Variants in SUMF1 observed in about 807,000 individuals in gnomAD.
SUMF1 encodes the protein formylglycine-generating enzyme.
In SUMF1, 48 loss-of-function variants were observed where a neutral mutation model predicts 47.6. The observed-to-expected ratio is 1.01, with a 90% CI of 0.80 to 1.28. The LOEUF (loss-of-function observed/expected upper bound fraction) is 1.28. SUMF1 is among the 50% of genes most tolerant of loss of function. The pLI is 0.00. For missense variants in SUMF1, 571 were observed against 485.4 expected (o/e 1.18, Z -1.66); for synonymous variants, 230 against 192.1 (o/e 1.20, Z -1.63).
chr3:4,184,052 T>C (rs1393800432), intron 8 of SUMF1, among the ~76,000 whole-genome samples: 2 of 151,980 alleles, frequency 1.3e-5, no homozygotes, highest in East Asian at 3.9e-4. Context: ...TGAGAATCTC[T>C]TGAACCTGGG....
chr3:4,218,658 G>A (rs1695993222), intron 8 of SUMF1, among the ~76,000 whole-genome samples: 1 of 152,178 alleles, frequency 6.6e-6, no homozygotes, highest in Non-Finnish European at 1.5e-5. Flanking sequence ...AGCTTCAAAT[G>A]TCAGACTTCG....
Position 4,452,974 on chromosome 3 carries a change from C to A in SUMF1, c.346G>T (p.Ala116Ser). 1 of 1,614,188 alleles carries A rather than the reference C, an allele frequency of 6.2e-7. No homozygotes were observed. The highest frequency in any genetic ancestry group is 8.5e-7 in the Non-Finnish European group (1 of 1,180,034). The part of the protein sequence containing the change: ...PQIKQDGEAP[A>S]RRVTIDAFYM... ...AAGGCATCAATAGTAACTCTCCTCG[C>A]AGGTGCTTCCCCATCCTGCTTTATC... is the stretch of plus-strand genomic sequence containing the variant. Residue 116 changes from alanine (A) to serine (S), a missense_variant, in exon 2 of 9, where the codon GCG becomes TCG. By Grantham distance (99) the Ala-to-Ser change is moderately conservative. Coordinates refer to ENST00000272902, the MANE Select transcript of SUMF1 (RefSeq NM_182760.4).
intron 8 of SUMF1, among the ~76,000 whole-genome samples, chr3:4,140,238 A>C (rs1042705907): frequency 3.9e-5 from 6 of 152,102 alleles, no homozygotes; most frequent in Non-Finnish European, 8.8e-5. Context: ...TGCTTCTCCC[A>C]AATTCTAGAC....
chr3:4,092,925 A>G (rs2125054507), intron 8 of SUMF1, among the ~76,000 whole-genome samples: 1 of 152,244 alleles, frequency 6.6e-6, no homozygotes, highest in Non-Finnish European at 1.5e-5. Context: ...CTTACAATAT[A>G]GAAAGCTTTG....
At chr3:4,301,112 G>A (rs897495925) in intron 8 of SUMF1, among the ~76,000 whole-genome samples, 1 of 152,102 alleles carries the variant, frequency 6.6e-6, no homozygotes, top group African/African-American at 2.4e-5. Context: ...TAAAGTAGGA[G>A]AACTAATGTA....
intron 8 of SUMF1, among the ~76,000 whole-genome samples, chr3:4,098,818 T>C (rs560592577): frequency 1.3e-5 from 2 of 152,134 alleles, no homozygotes; most frequent in Non-Finnish European, 2.9e-5. Flanking sequence ...CAGAAAACCA[T>C]AGAGTTAACT....
At chr3:4,092,652 T>C (rs1411798151) in intron 8 of SUMF1, among the ~76,000 whole-genome samples, 1 of 152,134 alleles carries the variant, frequency 6.6e-6, no homozygotes, top group Non-Finnish European at 1.5e-5. Context: ...CAACTACTTA[T>C]AGTATAAAAG....
intron 8 of SUMF1, among the ~76,000 whole-genome samples, chr3:4,346,180 A>G (rs1441265036): frequency 1.3e-5 from 2 of 152,240 alleles, no homozygotes; most frequent in Non-Finnish European, 1.5e-5. Flanking sequence ...AAGTGGATCT[A>G]GTAGACATCT....
At chr3:4,374,225 T>G (rs1700256318) in intron 8 of SUMF1, among the ~76,000 whole-genome samples, 1 of 152,126 alleles carries the variant, frequency 6.6e-6, no homozygotes, top group African/African-American at 2.4e-5. Flanking sequence ...GGATCTAGAT[T>G]AAAAAGGAAG....
chr3:4,043,785 A>C (rs1694953186), intron 9 of SUMF1, among the ~76,000 whole-genome samples: 3 of 152,180 alleles, frequency 2.0e-5, no homozygotes, highest in African/African-American at 7.2e-5. Flanking sequence ...TACTCTATTC[A>C]AACTATGTTT....
chr3:4,462,202 C>G (rs962777249), intron 1 of SUMF1, among the ~76,000 whole-genome samples: 1 of 152,192 alleles, frequency 6.6e-6, no homozygotes, highest in African/African-American at 2.4e-5. Flanking sequence ...TACTTCCCAA[C>G]CCCCACCAAG....
chr3:4,126,973 T>C (rs1693669073), intron 8 of SUMF1, among the ~76,000 whole-genome samples: 1 of 152,034 alleles, frequency 6.6e-6, no homozygotes, highest in Admixed American at 6.6e-5. Flanking sequence ...AGAACAAAAT[T>C]ACAATAGGGT....
At chr3:4,435,613 A>G (rs1702372461) in intron 3 of SUMF1, among the ~76,000 whole-genome samples, 1 of 152,230 alleles carries the variant, frequency 6.6e-6, no homozygotes, top group South Asian at 2.1e-4. Flanking sequence ...CAAACTGTTG[A>G]AGATAAAAAA....
chr3:4,382,720 C>T (rs1700545709), intron 7 of SUMF1, among the ~76,000 whole-genome samples: 1 of 152,168 alleles, frequency 6.6e-6, no homozygotes, highest in South Asian at 2.1e-4. Context: ...CACATATACA[C>T]CATGGGATAC....
intron 6 of SUMF1, 76 bp from the exon 7 acceptor site, chr3:4,411,054 C>CTTT: frequency 4.6e-6 from 5 of 1,080,142 alleles, no homozygotes; most frequent in Non-Finnish European, 7.2e-6. Flanking sequence ...AGAAATGCAG[C>CTTT]AAGAGCTTTA....
chr3:4,288,706 G>T (rs1697683164), intron 8 of SUMF1, among the ~76,000 whole-genome samples: 1 of 151,964 alleles, frequency 6.6e-6, no homozygotes, highest in Non-Finnish European at 1.5e-5. Context: ...GGAGGCTGAG[G>T]CAGGAGAATT....
At chr3:4,376,486 G>C in intron 7 of SUMF1, 97 bp from the exon 8 acceptor site, 2 of 1,307,504 alleles carry the variant, frequency 1.5e-6, no homozygotes, top group Non-Finnish European at 2.2e-6. Context: ...GCTCTCTCAT[G>C]GTTGCCTAAA....
At chr3:4,290,108 A>G (rs1012880373) in intron 8 of SUMF1, among the ~76,000 whole-genome samples, 2 of 152,232 alleles carry the variant, frequency 1.3e-5, no homozygotes, top group South Asian at 2.1e-4. Context: ...TTTAATCACA[A>G]TGAAACTTAA....
intron 8 of SUMF1, among the ~76,000 whole-genome samples, chr3:4,130,143 T>C (rs1261237897): frequency 6.6e-6 from 1 of 152,166 alleles, no homozygotes; most frequent in East Asian, 1.9e-4. Flanking sequence ...CTCTCCCATT[T>C]GGCCTGTGCA....
Sources: allele counts gnomAD v4.1 joint callset (sites outside exome capture counted in the v4.1 genomes callset), GRCh38; gene constraint gnomAD v4.1.1; transcripts MANE v1.5; gene names NCBI Gene and HGNC (gene_info 2026-07-23, HGNC 2026-07-21).